ELL2: variants seen among roughly 807,000 people sequenced by gnomAD.
The protein encoded by ELL2 is elongation factor for RNA polymerase II 2.
ELL2 carries 21 observed loss-of-function variants against 72.8 expected under a neutral mutation model. The observed-to-expected ratio is 0.29, with a 90% CI of 0.20 to 0.42. The LOEUF is 0.42. ELL2 is among the 10% of genes least tolerant of loss of function. ELL2 has a pLI of 1.00. For missense variants in ELL2, 568 were observed against 772.8 expected (o/e 0.73, Z 3.14); for synonymous variants, 266 against 283.2 (o/e 0.94, Z 0.61).
chr5:95,935,457 C>T (rs781569678), intron 2 of ELL2, among the ~76,000 whole-genome samples: 20 of 152,092 alleles, frequency 1.3e-4, no homozygotes, highest in Non-Finnish European at 2.6e-4. Context: ...TATTCTTTAA[C>T]AGCTAGAAAA....
chr5:95,908,627 G>T (rs1236976690), intron 4 of ELL2, among the ~76,000 whole-genome samples: 1 of 152,156 alleles, frequency 6.6e-6, no homozygotes, highest in Non-Finnish European at 1.5e-5. Context: ...CAGGCTGCCA[G>T]TGTGAATACA....
At chr5:95,892,711 T>C (rs1748712862) in intron 9 of ELL2, among the ~76,000 whole-genome samples, 2 of 152,190 alleles carry the variant, frequency 1.3e-5, no homozygotes, top group African/African-American at 4.8e-5. Flanking sequence ...CATCAGTTTG[T>C]TTAAATTACT....
chr5:95,955,692 G>T (rs1291576876), intron 1 of ELL2, among the ~76,000 whole-genome samples: 1 of 152,198 alleles, frequency 6.6e-6, no homozygotes, highest in Non-Finnish European at 1.5e-5. Flanking sequence ...AGGAAATTCT[G>T]TATGGAGCTG....
At chr5:95,911,593 G>T (rs147503787) in intron 4 of ELL2, among the ~76,000 whole-genome samples, 1 of 152,174 alleles carries the variant, frequency 6.6e-6, no homozygotes, top group East Asian at 1.9e-4. Flanking sequence ...TGATCTGCCC[G>T]CCTCGGCCTC....
chr5:95,956,086 G>C (rs200372713), intron 1 of ELL2, among the ~76,000 whole-genome samples: 1 of 152,160 alleles, frequency 6.6e-6, no homozygotes, highest in East Asian at 1.9e-4. Flanking sequence ...TCCTTGGTAA[G>C]CTTTTCTGTA....
At chr5:95,948,159 G>A (rs1456116290) in intron 1 of ELL2, among the ~76,000 whole-genome samples, 6 of 152,080 alleles carry the variant, frequency 3.9e-5, no homozygotes, top group African/African-American at 1.4e-4. Flanking sequence ...CCATAAGGCC[G>A]GGCGTGGTTG....
At chr5:95,955,652 A>G (rs932320951) in intron 1 of ELL2, among the ~76,000 whole-genome samples, 2 of 152,246 alleles carry the variant, frequency 1.3e-5, no homozygotes, top group Non-Finnish European at 1.5e-5. Flanking sequence ...ATTCTACTCC[A>G]GAACTGCGGT....
rs920379918 is a variant in ELL2 at position 95,886,905 on chromosome 5, G to A, written c.*1966C>T. Reference sequence around the variant, plus strand: ...TGCTCATAGCAAATAGCAGCACACAGTCTTTGATTAAAAGGCCAAGATGTC... The same window carrying A: ...TGCTCATAGCAAATAGCAGCACACAATCTTTGATTAAAAGGCCAAGATGTC... On this transcript the variant is annotated 3_prime_UTR_variant, in exon 12 of 12. Coordinates refer to ENST00000237853, the MANE Select transcript of ELL2 (RefSeq NM_012081.6). 1 of 152,114 alleles carries A rather than the reference G, an allele frequency of 6.6e-6. No individual in the cohort carries two copies. Among genetic ancestry groups the A allele is most frequent in the Admixed American group, 6.5e-5 (1 of 15,276 alleles). 9.4% of individuals were successfully genotyped at this position (152,114 alleles called of 1,614,324 possible).
intron 3 of ELL2, among the ~76,000 whole-genome samples, chr5:95,917,944 C>A (rs990245384): frequency 6.6e-6 from 1 of 152,252 alleles, no homozygotes; most frequent in Non-Finnish European, 1.5e-5. Context: ...TAGAGACAAG[C>A]ACCACAATTA....
rs58796894 is a variant in ELL2 at position 95,931,775 on chromosome 5, G to A, written c.195+11227C>T. 3.9e-3 allele frequency among the ~76,000 whole-genome samples: 448 copies of A among 115,584 alleles called. 4 individuals are homozygous for A. Among genetic ancestry groups the A allele is most frequent in the African/African-American group, 0.014 (406 of 28,190 alleles). The allele number at this position is 115,584 out of a possible 152,430, so 75.8% of individuals were successfully genotyped here. On this transcript the variant is annotated intron_variant, in intron 2 of 11. Coordinates refer to ENST00000237853, the MANE Select transcript of ELL2 (RefSeq NM_012081.6). Reference sequence around the variant, plus strand: ...CTCCTCTAGAAGGGTAGCAAACACTGCTTCCCAAGTGCCCTATCCATAAAA... The same window carrying A: ...CTCCTCTAGAAGGGTAGCAAACACTACTTCCCAAGTGCCCTATCCATAAAA...
chr5:95,961,472 C>T lies in ELL2; in HGVS notation c.147+103G>A. 7 of 1,314,586 alleles carry T rather than the reference C, an allele frequency of 5.3e-6. No homozygotes were observed. The South Asian group carries it at 1.2e-4, about 23-fold the overall frequency. 81.4% of individuals were successfully genotyped at this position (1,314,586 alleles called of 1,614,324 possible). On this transcript the variant is annotated intron_variant, in intron 1 of 11. Transcript: ENST00000237853. The stretch of plus-strand genomic sequence containing the variant: ...TGGCCGCTGCGGGCGCTGACGGTAG[C>T]AGCTGCCAGCCACGGCTCCGCCGGC...
intron 1 of ELL2, among the ~76,000 whole-genome samples, chr5:95,944,972 G>T (rs1007965969): frequency 1.5e-4 from 23 of 152,088 alleles, no homozygotes; most frequent in African/African-American, 5.3e-4. Flanking sequence ...CCAGCTCTCT[G>T]ATCACACCTT....
chr5:95,947,627 G>A (rs564832925), intron 1 of ELL2, among the ~76,000 whole-genome samples: 1 of 152,102 alleles, frequency 6.6e-6, no homozygotes, highest in Non-Finnish European at 1.5e-5. Flanking sequence ...TAGGATCACA[G>A]ACCTGGTGAT....
intron 9 of ELL2, among the ~76,000 whole-genome samples, chr5:95,893,722 T>A (rs2112268871): frequency 6.6e-6 from 1 of 152,348 alleles, no homozygotes; most frequent in African/African-American, 2.4e-5. Context: ...CCTTTAGTTT[T>A]CTTATGAGGC....
chr5:95,888,935 T>C lies in ELL2; in HGVS notation c.1859A>G (p.Lys620Arg). Residue 620 changes from lysine to arginine, a missense_variant, in exon 12 of 12, where the codon AAG becomes AGG. By Grantham distance (26) the Lys-to-Arg change is conservative. Around this residue, in one of 2 missense-constraint regions of ELL2, gnomAD observed 511 missense variants for 728.4 expected, o/e 0.70. Transcript: ENST00000237853. ...EKYRCEYLHN[K>R]LAHIKRLIGE... ...TATTAGCCTTTTGATGTGAGCCAGC[T>C]TGTTATGAAGATATTCACATCTGTA... 1 of 1,611,764 alleles carries C rather than the reference T, an allele frequency of 6.2e-7. No homozygotes were observed. Among genetic ancestry groups the C allele is most frequent in the Non-Finnish European group, 8.5e-7 (1 of 1,179,762 alleles).
intron 5 of ELL2, among the ~76,000 whole-genome samples, chr5:95,903,475 C>A (rs753345489): frequency 6.6e-6 from 1 of 151,616 alleles, no homozygotes; most frequent in Admixed American, 6.6e-5. Context: ...GTGATCCCCC[C>A]ACCTCGGCCT....
At chr5:95,930,819 G>C (rs568852575) in intron 2 of ELL2, among the ~76,000 whole-genome samples, 5 of 152,196 alleles carry the variant, frequency 3.3e-5, no homozygotes, top group Admixed American at 6.5e-5. Flanking sequence ...ACAATATTTG[G>C]GGTATATCAT....
At chr5:95,927,428 C>T (rs1317333789) in intron 2 of ELL2, among the ~76,000 whole-genome samples, 176 of 50,952 alleles carry the variant, frequency 3.5e-3, no homozygotes, top group African/African-American at 0.012. Context: ...TAGACATACA[C>T]ACACACGTGT....
At chr5:95,904,129 C>T (rs1047269085) in intron 5 of ELL2, among the ~76,000 whole-genome samples, 1 of 152,178 alleles carries the variant, frequency 6.6e-6, no homozygotes, top group Non-Finnish European at 1.5e-5. Flanking sequence ...CTGATCTCTC[C>T]ACTTAAAGCA....
Sources: allele counts gnomAD v4.1 joint callset (sites outside exome capture counted in the v4.1 genomes callset), GRCh38; gene constraint gnomAD v4.1.1; regional missense constraint gnomAD v4.1.1; transcripts MANE v1.5; gene names NCBI Gene and HGNC (gene_info 2026-07-23, HGNC 2026-07-21).